FOXN3: variants seen among roughly 807,000 people sequenced by gnomAD.
FOXN3 encodes forkhead box protein N3.
FOXN3 carries 7 observed loss-of-function variants against 38.4 expected under a neutral mutation model. That is an observed-to-expected ratio of 0.18 (90% CI 0.10 to 0.34). The LOEUF is 0.34. Ranked by LOEUF, FOXN3 falls within the 10% of genes least tolerant of loss-of-function variation. The pLI is 1.00. For missense variants in FOXN3, 456 were observed against 613.4 expected (o/e 0.74, Z 2.71); for synonymous variants, 230 against 242.2 (o/e 0.95, Z 0.47).
intron 1 of FOXN3, among the ~76,000 whole-genome samples, chr14:89,572,141 A>G (rs1011189577): frequency 1.3e-5 from 2 of 152,214 alleles, no homozygotes; most frequent in African/African-American, 4.8e-5. Flanking sequence ...AGCTCATTTA[A>G]TTAAAAGACT....
chr14:89,226,897 A>T (rs960623408), intron 4 of FOXN3, among the ~76,000 whole-genome samples: 27 of 152,326 alleles, frequency 1.8e-4, no homozygotes, highest in Middle Eastern at 6.8e-3. Flanking sequence ...CCTGGAACAG[A>T]TTCTTCCCCA....
chr14:89,615,591 C>T (rs1253602377), intron 1 of FOXN3, among the ~76,000 whole-genome samples: 1 of 152,184 alleles, frequency 6.6e-6, no homozygotes, highest in African/African-American at 2.4e-5. Flanking sequence ...TAGAAACCAA[C>T]AAATCCCATT....
intron 1 of FOXN3, among the ~76,000 whole-genome samples, chr14:89,487,230 T>A (rs1893465100): frequency 6.6e-6 from 1 of 152,260 alleles, no homozygotes; most frequent in Admixed American, 6.5e-5. Flanking sequence ...GGAAAGTTGG[T>A]ACATGAGACA....
rs565247975 is a variant in FOXN3 at position 89,181,834 on chromosome 14, G to A, written c.746-1028C>T. On this transcript the variant is annotated intron_variant, in intron 4 of 5. Coordinates refer to ENST00000557258, the MANE Select transcript of FOXN3 (RefSeq NM_005197.4). The stretch of plus-strand genomic sequence containing the variant: ...TACATCTACCAAAAACCCTCCCTAC[G>A]TCTGAGGGGCAGGGGAGCATCACTA... Among the ~76,000 whole-genome samples the A allele has an allele frequency of 4.6e-5, 7 of 152,292 alleles. No homozygotes were observed. The South Asian group carries it at 1.2e-3, about 27-fold the overall frequency.
At chr14:89,270,045 C>T (rs1886100567) in intron 4 of FOXN3, among the ~76,000 whole-genome samples, 1 of 152,204 alleles carries the variant, frequency 6.6e-6, no homozygotes, top group Non-Finnish European at 1.5e-5. Context: ...CTGGACCTGG[C>T]TGGAAGCGTT....
chr14:89,368,328 C>T (rs1890216588), intron 2 of FOXN3, among the ~76,000 whole-genome samples: 1 of 85,824 alleles, frequency 1.2e-5, no homozygotes, highest in Non-Finnish European at 2.7e-5. Flanking sequence ...GAAACTCTGT[C>T]TCAAAAAAAA....
intron 1 of FOXN3, among the ~76,000 whole-genome samples, chr14:89,461,940 A>G (rs995849604): frequency 6.6e-6 from 1 of 152,236 alleles, no homozygotes; most frequent in Non-Finnish European, 1.5e-5. Context: ...GGGTCTTGGC[A>G]GTGCATACGA....
chr14:89,616,521 A>ACCCCCCCC (rs1161046760), intron 1 of FOXN3, among the ~76,000 whole-genome samples: 13 of 137,918 alleles, frequency 9.4e-5, no homozygotes, highest in East Asian at 2.2e-4. Flanking sequence ...TCACTCCCCA[A>ACCCCCCCC]CCCCACCCCC....
chr14:89,196,085 A>G (rs1888091104), intron 4 of FOXN3, among the ~76,000 whole-genome samples: 2 of 152,174 alleles, frequency 1.3e-5, no homozygotes, highest in Admixed American at 6.5e-5. Context: ...TTCAATTTTC[A>G]TCTTTAATGT....
At chr14:89,251,249 C>G (rs1885445690) in intron 4 of FOXN3, among the ~76,000 whole-genome samples, 1 of 152,184 alleles carries the variant, frequency 6.6e-6, no homozygotes, top group Non-Finnish European at 1.5e-5. Flanking sequence ...CCTCCTACAG[C>G]CACAGCACAC....
intron 1 of FOXN3, among the ~76,000 whole-genome samples, chr14:89,467,244 C>T (rs1451288890): frequency 6.6e-6 from 1 of 152,156 alleles, no homozygotes; most frequent in African/African-American, 2.4e-5. Flanking sequence ...CTGGTGTGAT[C>T]CCACAGCTTC....
At chr14:89,325,338 C>CATCACTACCACCACCACG (rs1888040429) in intron 3 of FOXN3, among the ~76,000 whole-genome samples, 1 of 143,034 alleles carries the variant, frequency 7.0e-6, no homozygotes, top group Non-Finnish European at 1.6e-5. Context: ...CCACCACCAC[C>CATCACTACCACCACCACG]ACCACCACCA....
intron 2 of FOXN3, among the ~76,000 whole-genome samples, chr14:89,386,769 GGT>G (rs1210251144): frequency 6.6e-6 from 1 of 152,172 alleles, no homozygotes; most frequent in Non-Finnish European, 1.5e-5. Flanking sequence ...TTCAGTTCCT[GGT>G]AAGGACTCTC....
chr14:89,436,104 A>G lies in FOXN3; in HGVS notation c.-14-23614T>C, dbSNP rs1892270844. On this transcript the variant is annotated intron_variant, in intron 1 of 6. Transcript: ENST00000345097. ...GATCCTCCTGCCTCGGCCTCCCAAAATGCTGAGATCACAGGAGTGTGCCAC... is the reference window on the plus strand; with the variant it reads ...GATCCTCCTGCCTCGGCCTCCCAAAGTGCTGAGATCACAGGAGTGTGCCAC... 1.3e-5 allele frequency among the ~76,000 whole-genome samples: 2 copies of G among 151,600 alleles called. 1 individual carries two copies. Among genetic ancestry groups the G allele is most frequent in the South Asian group, 4.2e-4 (2 of 4,786 alleles).
chr14:89,293,478 G>C (rs982840145), intron 3 of FOXN3, among the ~76,000 whole-genome samples: 2 of 152,184 alleles, frequency 1.3e-5, no homozygotes, highest in African/African-American at 4.8e-5. Context: ...CTCCCTCGCA[G>C]CTGCTGGTGT....
At chr14:89,371,576 G>T (rs1181415395) in intron 2 of FOXN3, among the ~76,000 whole-genome samples, 1 of 151,780 alleles carries the variant, frequency 6.6e-6, no homozygotes, top group South Asian at 2.1e-4. Flanking sequence ...TATTATGTAC[G>T]TGTGCTGGAT....
At chr14:89,468,900 T>C (rs979918935) in intron 1 of FOXN3, among the ~76,000 whole-genome samples, 1 of 152,150 alleles carries the variant, frequency 6.6e-6, no homozygotes, top group African/African-American at 2.4e-5. Context: ...GGTCTGTGCA[T>C]CATACATTTT....
intron 4 of FOXN3, among the ~76,000 whole-genome samples, chr14:89,256,542 G>A (rs1416401323): frequency 6.6e-6 from 1 of 152,270 alleles, no homozygotes; most frequent in African/African-American, 2.4e-5. Flanking sequence ...TGTGCATCAC[G>A]CTATTGCTGT....
chr14:89,304,021 G>A (rs983593206), intron 3 of FOXN3, among the ~76,000 whole-genome samples: 8 of 152,196 alleles, frequency 5.3e-5, no homozygotes, highest in Non-Finnish European at 1.0e-4. Flanking sequence ...TCTTTCCACT[G>A]TTGATAGTTG....
Sources: allele counts gnomAD v4.1 joint callset (sites outside exome capture counted in the v4.1 genomes callset), GRCh38; gene constraint gnomAD v4.1.1; transcripts MANE v1.5; gene names NCBI Gene and HGNC (gene_info 2026-07-23, HGNC 2026-07-21).